ANO10: variants seen among roughly 807,000 people sequenced by gnomAD.
ANO10 encodes the protein anoctamin-10.
ANO10 carries 77 observed loss-of-function variants against 74.7 expected under a neutral mutation model. The ratio of observed to expected loss-of-function variants is 1.03; its 90% CI spans 0.86 to 1.25. ANO10 has a LOEUF of 1.25. Among genes scored for constraint, ANO10 ranks in the 50% most tolerant of loss-of-function variants. The pLI is 0.00. For missense variants in ANO10, 721 were observed against 778.1 expected (o/e 0.93, Z 0.87); for synonymous variants, 279 against 284.9 (o/e 0.98, Z 0.21).
chr3:43,561,330 G>A lies in ANO10; in HGVS notation c.1366C>T (p.Gln456Ter). Residue 456 changes from glutamine to a stop codon, truncating the protein, a stop_gained, in exon 9 of 13, where the codon CAA (glutamine) becomes TAA (stop). Transcript: ENST00000292246. LOFTEE classifies it high-confidence loss of function. Reference protein sequence around the residue: ...IMESFLPYWLQRKHGVRVKRK... With the variant: ...IMESFLPYWL ...TTCACCCGCACACCATGCTTCCTTT[G>A]GAGCCAATAAGGAAGAAAAGATTCC... 6.2e-7 allele frequency: 1 copy of A among 1,614,102 alleles called. No individual in the cohort carries two copies.
chr3:43,422,385 G>A (rs1022079702), intron 12 of ANO10, among the ~76,000 whole-genome samples: 5 of 152,190 alleles, frequency 3.3e-5, no homozygotes, highest in African/African-American at 1.2e-4. Flanking sequence ...AAAGTGCTGG[G>A]ATTACAGGTG....
chr3:43,431,424 A>G (rs931746091), intron 12 of ANO10, among the ~76,000 whole-genome samples: 1 of 151,638 alleles, frequency 6.6e-6, no homozygotes, highest in Admixed American at 6.6e-5. Flanking sequence ...ACTTGAACTT[A>G]TCTCTTCCTC....
intron 11 of ANO10, among the ~76,000 whole-genome samples, chr3:43,451,862 T>A (rs542477167): frequency 2.0e-5 from 3 of 152,124 alleles, no homozygotes; most frequent in Admixed American, 1.3e-4. Context: ...CACAAAAGAT[T>A]TTTGGAACTC....
chr3:43,613,061 G>A (rs1049025701), intron 1 of ANO10, among the ~76,000 whole-genome samples: 14 of 152,016 alleles, frequency 9.2e-5, no homozygotes, highest in Non-Finnish European at 1.5e-4. Flanking sequence ...CCAGCTACTC[G>A]GGAGGCTGAA....
intron 12 of ANO10, among the ~76,000 whole-genome samples, chr3:43,426,706 A>G (rs897012278): frequency 3.3e-5 from 5 of 152,222 alleles, no homozygotes; most frequent in African/African-American, 1.2e-4. Context: ...TGACTGAGAG[A>G]TGAATAAATC....
intron 11 of ANO10, chr3:43,486,009 C>A: frequency 3.8e-6 from 1 of 262,086 alleles, no homozygotes; most frequent in South Asian, 3.7e-5. Flanking sequence ...GAAATGGCTG[C>A]CACAGGGCCA....
intron 11 of ANO10, among the ~76,000 whole-genome samples, chr3:43,543,952 T>C (rs905934229): frequency 6.6e-6 from 1 of 152,172 alleles, no homozygotes; most frequent in Admixed American, 6.6e-5. Flanking sequence ...GATAGGTACA[T>C]CTTGCCAAGT....
At chr3:43,568,678 T>C (rs2080512981) in intron 7 of ANO10, among the ~76,000 whole-genome samples, 1 of 148,796 alleles carries the variant, frequency 6.7e-6, no homozygotes, top group Non-Finnish European at 1.5e-5. Context: ...TGGGGCGCAT[T>C]CAAAGCAGTG....
At chr3:43,414,283 GGA>G (rs1276638552) in intron 12 of ANO10, among the ~76,000 whole-genome samples, 1 of 152,074 alleles carries the variant, frequency 6.6e-6, no homozygotes, top group East Asian at 1.9e-4. Flanking sequence ...ACGAAAATGG[GGA>G]GAGAGCAGCA....
intron 11 of ANO10, among the ~76,000 whole-genome samples, chr3:43,475,909 T>G (rs973314846): frequency 6.6e-6 from 1 of 152,170 alleles, no homozygotes; most frequent in Admixed American, 6.5e-5. Context: ...GCCTACAAAT[T>G]TGTATGTATC....
At chr3:43,565,824 G>A in intron 7 of ANO10, 97 bp from the exon 8 acceptor site, 1 of 1,362,368 alleles carries the variant, frequency 7.3e-7, no homozygotes, top group Non-Finnish European at 1.0e-6. Flanking sequence ...AATGGGAGCG[G>A]GGAGGAGCCA....
At chr3:43,484,873 G>T in intron 11 of ANO10, 1 of 592,658 alleles carries the variant, frequency 1.7e-6, no homozygotes. Flanking sequence ...CCGCCAACAG[G>T]CATGACCAAT....
chr3:43,385,440 G>A (rs577873708), intron 12 of ANO10, among the ~76,000 whole-genome samples: 69 of 152,136 alleles, frequency 4.5e-4, no homozygotes, highest in African/African-American at 1.5e-3. Flanking sequence ...ATTATTATAC[G>A]AAAAAGATAC....
At chr3:43,669,234 G>T (rs765010249) in intron 1 of ANO10, among the ~76,000 whole-genome samples, 1 of 152,118 alleles carries the variant, frequency 6.6e-6, no homozygotes, top group Non-Finnish European at 1.5e-5. Context: ...TTCTCCTGAG[G>T]AAAGGCCTTA....
chr3:43,613,463 A>T (rs1246716912), intron 1 of ANO10, among the ~76,000 whole-genome samples: 4 of 152,240 alleles, frequency 2.6e-5, no homozygotes, highest in African/African-American at 9.6e-5. Flanking sequence ...TGACCAGAGC[A>T]GAGGGGCTAC....
chr3:43,623,014 C>A (rs960218404), upstream of ANO10, among the ~76,000 whole-genome samples: 2 of 152,112 alleles, frequency 1.3e-5, no homozygotes, highest in Non-Finnish European at 2.9e-5. Flanking sequence ...TACAGGCGCG[C>A]ACCATCATGC....
intron 2 of ANO10, 64 bp downstream of exon 2, chr3:43,605,650 G>A (rs1418428146): frequency 9.0e-6 from 14 of 1,563,966 alleles, no homozygotes; most frequent in Admixed American, 1.7e-5. Context: ...AGCATACAGT[G>A]TGGGAGGCTG....
chr3:43,565,732 C>CAAAAAAAAA lies in ANO10; in HGVS notation c.1219-14_1219-6dup. On this transcript the variant is annotated splice_region_variant and splice_polypyrimidine_tract_variant and intron_variant, in intron 7 of 12. Transcript: ENST00000292246. ...AAAGCAATTGAGGAAGTTGAACTGCCAAAAAAAAAAAAAAAAAAGATAAGT... is the reference window on the plus strand; with the variant it reads ...AAAGCAATTGAGGAAGTTGAACTGCCAAAAAAAAAAAAAAAAAAAAAAAAAAAGATAAGT... 3.9e-6 allele frequency: 5 copies of CAAAAAAAAA among 1,272,628 alleles called. No homozygotes were observed. Among genetic ancestry groups the CAAAAAAAAA allele is most frequent in the African/African-American group, 4.3e-5 (2 of 46,724 alleles). The allele number at this position is 1,272,628 out of a possible 1,614,324, so 78.8% of individuals were successfully genotyped here.
intron 11 of ANO10, among the ~76,000 whole-genome samples, chr3:43,514,481 A>G (rs1367303311): frequency 6.6e-6 from 1 of 152,206 alleles, no homozygotes; most frequent in African/African-American, 2.4e-5. Context: ...AAAAGAAGCA[A>G]AAAGTGATAG....
Sources: allele counts gnomAD v4.1 joint callset (sites outside exome capture counted in the v4.1 genomes callset), GRCh38; gene constraint gnomAD v4.1.1; transcripts MANE v1.5; gene names NCBI Gene and HGNC (gene_info 2026-07-23, HGNC 2026-07-21).